ZFYVE28: variants seen among roughly 807,000 people sequenced by gnomAD.
ZFYVE28 encodes the protein zinc finger FYVE-type containing 28.
ZFYVE28 carries 40 observed loss-of-function variants against 82.1 expected under a neutral mutation model. The observed-to-expected ratio is 0.49, with a 90% CI of 0.38 to 0.63. The LOEUF is 0.63. Among genes scored for constraint, ZFYVE28 ranks in the 30% least tolerant of loss-of-function variants. ZFYVE28 has a pLI of 0.00. For missense variants in ZFYVE28, 1,321 were observed against 1,242.1 expected, an observed-to-expected ratio of 1.06 and a Z score of -0.96; for synonymous variants, 612 against 546.1, an observed-to-expected ratio of 1.12 and a Z score of -1.68.
At position 2,408,131 on chromosome 4, in the gene ZFYVE28, C is replaced by T. The variant is rs1477620117; in HGVS notation, c.39+10154G>A. On this transcript the variant is annotated intron_variant, in intron 1 of 12. Coordinates refer to ENST00000290974, the MANE Select transcript of ZFYVE28 (RefSeq NM_020972.3). The surrounding 1 kb of genome is among the most constrained non-coding windows in gnomAD (Gnocchi z 4.3). ...CCCCCTGGCCTCCAGGCCTCAAGGC[C>T]ACAGATTCCTGTCTGACCCTTGCTC... Among the ~76,000 whole-genome samples the T allele has an allele frequency of 6.8e-6, 1 of 147,238 alleles. No homozygotes were observed. Among genetic ancestry groups the T allele is most frequent in the African/African-American group, 2.5e-5 (1 of 40,510 alleles).
intron 7 of ZFYVE28, among the ~76,000 whole-genome samples, chr4:2,308,036 T>C (rs906746442): frequency 6.6e-6 from 1 of 152,224 alleles, no homozygotes; most frequent in African/African-American, 2.4e-5. Flanking sequence ...TTCTGTTCTA[T>C]TGAATGGGTC....
At chr4:2,401,721 C>T (rs886723057) in intron 1 of ZFYVE28, among the ~76,000 whole-genome samples, 32 of 152,296 alleles carry the variant, frequency 2.1e-4, no homozygotes, top group African/African-American at 7.2e-4. Flanking sequence ...CACCGCAGTC[C>T]ACCCCAAGAA....
chr4:2,339,708 G>A lies in ZFYVE28; in HGVS notation c.319-53C>T. The A allele has an allele frequency of 1.3e-6, 2 of 1,512,626 alleles. No individual in the cohort carries two copies. Among genetic ancestry groups the A allele is most frequent in the Admixed American group, 2.1e-5 (1 of 48,060 alleles). 93.7% of individuals were successfully genotyped at this position (1,512,626 alleles called of 1,614,324 possible). On this transcript the variant is annotated intron_variant, in intron 3 of 12. Coordinates refer to ENST00000290974, the MANE Select transcript of ZFYVE28 (RefSeq NM_020972.3). The surrounding 1 kb of genome is among the most constrained non-coding windows in gnomAD (Gnocchi z 5.0). ...GGCCCGGGTGAGGGCCAGGCTCTCAGGGGTCGCCGACCCGGGGAACCTGAC... is the reference window on the plus strand; with the variant it reads ...GGCCCGGGTGAGGGCCAGGCTCTCAAGGGTCGCCGACCCGGGGAACCTGAC...
chr4:2,296,589 C>G (rs1367515422), intron 8 of ZFYVE28, among the ~76,000 whole-genome samples: 1 of 151,842 alleles, frequency 6.6e-6, no homozygotes, highest in Admixed American at 6.6e-5. Context: ...TCTCGGTGTT[C>G]CCTGCAGGAC....
In ZFYVE28 at chr4:2,273,354, G is replaced by T. The variant is rs1736089572; in HGVS notation, c.2207-65C>A. The T allele has an allele frequency of 3.4e-6, 5 of 1,456,408 alleles. No homozygotes were observed. The Admixed American group carries it at 7.0e-5, about 20-fold the overall frequency. The allele number at this position is 1,456,408 out of a possible 1,614,324, so 90.2% of individuals were successfully genotyped here. ...GATGGAAGGAACTGCGGAGGTCGGTGCTGCGGGCTGGGCAGACCCAGCCAG... is the reference window on the plus strand; with the variant it reads ...GATGGAAGGAACTGCGGAGGTCGGTTCTGCGGGCTGGGCAGACCCAGCCAG... On this transcript the variant is annotated intron_variant, in intron 9 of 12. Transcript: ENST00000290974.
At chr4:2,272,571 TG>T (rs752697138) in intron 10 of ZFYVE28, among the ~76,000 whole-genome samples, 12 of 152,220 alleles carry the variant, frequency 7.9e-5, no homozygotes, top group Admixed American at 2.0e-4. Flanking sequence ...TGCACGTGTA[TG>T]TGCACGTGTC....
At position 2,341,323 on chromosome 4, in the gene ZFYVE28, A is replaced by C; in HGVS notation, c.318+155T>G. The C allele has an allele frequency of 1.9e-6, 2 of 1,026,076 alleles. No individual in the cohort carries two copies. Among genetic ancestry groups the C allele is most frequent in the Non-Finnish European group, 2.8e-6 (2 of 703,846 alleles). The allele number at this position is 1,026,076 out of a possible 1,614,324, so 63.6% of individuals were successfully genotyped here. A position where few individuals can be genotyped will look rare whatever the true frequency, so the allele number is the denominator to read the frequency against. On this transcript the variant is annotated intron_variant, in intron 3 of 12. Coordinates refer to ENST00000290974, the MANE Select transcript of ZFYVE28 (RefSeq NM_020972.3). The surrounding 1 kb of genome is among the most constrained non-coding windows in gnomAD (Gnocchi z 4.5). ...ATCCTCCAGGGGTGCACGGCCTACC[A>C]GGCTCAGACCACACCACGTAACCCA...
chr4:2,310,498 T>C (rs1717324964), intron 7 of ZFYVE28, among the ~76,000 whole-genome samples: 1 of 152,150 alleles, frequency 6.6e-6, no homozygotes, highest in Admixed American at 6.6e-5. Context: ...TATACTCTTA[T>C]TGAAAAACAA....
At chr4:2,302,930 C>G (rs1715804364) in intron 8 of ZFYVE28, among the ~76,000 whole-genome samples, 1 of 152,242 alleles carries the variant, frequency 6.6e-6, no homozygotes, top group Non-Finnish European at 1.5e-5. Context: ...ATCTGACCCT[C>G]CTAGCCTTCA....
chr4:2,396,136 T>TGGGAAGCCGCAAG lies in ZFYVE28; in HGVS notation c.39+22148_39+22149insCTTGCGGCTTCCC, dbSNP rs1553864559. 3.9e-3 allele frequency among the ~76,000 whole-genome samples: 238 copies of TGGGAAGCCGCAAG among 61,812 alleles called. 6 individuals are homozygous for TGGGAAGCCGCAAG. Among genetic ancestry groups the TGGGAAGCCGCAAG allele is most frequent in the East Asian group, 4.9e-3 (8 of 1,626 alleles). The allele number at this position is 61,812 out of a possible 152,430, so 40.6% of individuals were successfully genotyped here. The stretch of plus-strand genomic sequence containing the variant: ...CAGAGGGGCCACAAGGCGGGGTGTC[T>TGGGAAGCCGCAAG]GAGCTGATGGGACCAGCCATCCTGC... On this transcript the variant is annotated intron_variant, in intron 1 of 12. Coordinates refer to ENST00000290974, the MANE Select transcript of ZFYVE28 (RefSeq NM_020972.3).
In ZFYVE28 at chr4:2,274,059, C is replaced by G; in HGVS notation, c.2206+3G>C. On this transcript the variant is annotated splice_donor_region_variant and intron_variant, in intron 9 of 12. Transcript: ENST00000290974. ...GCACCGGTCTCAGGCCCTGACATGA[C>G]ACCTGAAATGCAGACGAACAGGCGG... The G allele has an allele frequency of 3.1e-6, 5 of 1,613,870 alleles. No homozygotes were observed. The highest frequency in any genetic ancestry group is 4.2e-6 in the Non-Finnish European group (5 of 1,179,898).
chr4:2,383,265 T>C (rs183253719), intron 1 of ZFYVE28, among the ~76,000 whole-genome samples: 5 of 152,214 alleles, frequency 3.3e-5, no homozygotes, highest in East Asian at 3.9e-4. Context: ...TGGGAGGTAA[T>C]TGAATCATAG....
At chr4:2,388,426 TG>T (rs746195609) in intron 1 of ZFYVE28, among the ~76,000 whole-genome samples, 5 of 152,062 alleles carry the variant, frequency 3.3e-5, no homozygotes, top group Non-Finnish European at 2.9e-5. Context: ...CACATCTGCT[TG>T]GAAATACCTT....
In ZFYVE28 at chr4:2,324,291, C is replaced by T. The variant is rs142551747; in HGVS notation, c.702-4020G>A. On this transcript the variant is annotated intron_variant, in intron 6 of 12. Transcript: ENST00000290974. The stretch of plus-strand genomic sequence containing the variant: ...AATTGGATGAGGCCCACCCACATCA[C>T]GGAGGGTCGTCAGCTGTACTCAGAG... Among the ~76,000 whole-genome samples, 580 of 152,270 alleles carry T rather than the reference C, an allele frequency of 3.8e-3. 5 individuals carry two copies. Among genetic ancestry groups the T allele is most frequent in the African/African-American group, 0.013 (537 of 41,544 alleles).
At chr4:2,303,452 C>G (rs956622344) in intron 8 of ZFYVE28, among the ~76,000 whole-genome samples, 2 of 152,204 alleles carry the variant, frequency 1.3e-5, no homozygotes, top group African/African-American at 2.4e-5. Context: ...CCAGTTGAAC[C>G]TCGTCCCCTC....
In ZFYVE28 at chr4:2,372,372, C is replaced by T. The variant is rs1727656940; in HGVS notation, c.40-18299G>A. Among the ~76,000 whole-genome samples the T allele has an allele frequency of 6.6e-6, 1 of 152,134 alleles. No individual in the cohort carries two copies. The highest frequency in any genetic ancestry group is 1.5e-5 in the Non-Finnish European group (1 of 68,008). Reference sequence around the variant, plus strand: ...CCAGCCCTTCCATCGCCGCCTCCTGCCACCACCGCTCCCGCCATCCTCCTT... The same window carrying T: ...CCAGCCCTTCCATCGCCGCCTCCTGTCACCACCGCTCCCGCCATCCTCCTT... On this transcript the variant is annotated intron_variant, in intron 1 of 12. Transcript: ENST00000290974. The surrounding 1 kb of genome is among the most constrained non-coding windows in gnomAD (Gnocchi z 5.2).
In ZFYVE28 at chr4:2,341,700, A is replaced by G. The variant is rs1220443461; in HGVS notation, c.181-85T>C. ...TACTGCTGGAAAACACGCACGGTGC[A>G]TGTGACTGTTTTTTAGGATTATTAA... On this transcript the variant is annotated intron_variant, in intron 2 of 12. Coordinates refer to ENST00000290974, the MANE Select transcript of ZFYVE28 (RefSeq NM_020972.3). This position sits in a 1 kb window ranked among gnomAD's most constrained non-coding sequence, Gnocchi z 4.5. The G allele has an allele frequency of 6.5e-7, 1 of 1,530,372 alleles. No individual in the cohort carries two copies. Among genetic ancestry groups the G allele is most frequent in the African/African-American group, 1.4e-5 (1 of 73,100 alleles). The allele number at this position is 1,530,372 out of a possible 1,614,324, so 94.8% of individuals were successfully genotyped here. A position where few individuals can be genotyped will look rare whatever the true frequency, so the allele number is the denominator to read the frequency against.
At chr4:2,323,052 G>A (rs939746339) in intron 6 of ZFYVE28, among the ~76,000 whole-genome samples, 1 of 152,056 alleles carries the variant, frequency 6.6e-6, no homozygotes, top group African/African-American at 2.4e-5. Flanking sequence ...ATTTCTCTTG[G>A]GTATATGCCT....
intron 2 of ZFYVE28, among the ~76,000 whole-genome samples, chr4:2,349,136 C>T (rs1723990099): frequency 6.6e-6 from 1 of 151,968 alleles, no homozygotes. Flanking sequence ...TCTCAAATAG[C>T]TATGGTGAGA....
Sources: allele counts gnomAD v4.1 joint callset (sites outside exome capture counted in the v4.1 genomes callset), GRCh38; gene constraint gnomAD v4.1.1; non-coding constraint Gnocchi (gnomAD v3.1); transcripts MANE v1.5; gene names NCBI Gene and HGNC (gene_info 2026-07-23, HGNC 2026-07-21).